The following ARMC2 variants were observed in gnomAD, a reference collection of about 807,000 sequenced individuals.
ARMC2 encodes the protein armadillo repeat containing 2.
ARMC2 carries 67 observed loss-of-function variants against 90.3 expected under a neutral mutation model. The observed-to-expected ratio is 0.74, with a 90% CI of 0.61 to 0.91. The LOEUF is 0.91. ARMC2 is among the 40% of genes least tolerant of loss of function. The probability of loss-of-function intolerance (pLI) is 0.00; values close to 1 mark genes in which losing one functional copy is unlikely to be tolerated. For missense variants in ARMC2, 920 were observed against 1,030.9 expected, an observed-to-expected ratio of 0.89 and a Z score of 1.47; for synonymous variants, 393 against 393.0, an observed-to-expected ratio of 1.00 and a Z score of 0.00.
At chr6:108,857,012 A>G (rs1289023716) in intron 2 of ARMC2, among the ~76,000 whole-genome samples, 2 of 151,788 alleles carry the variant, frequency 1.3e-5, no homozygotes, top group Non-Finnish European at 2.9e-5. Context: ...CAGCCCTTTT[A>G]ATTTGTTCTT....
At chr6:108,909,153 A>G (rs1413357911) in intron 8 of ARMC2, among the ~76,000 whole-genome samples, 3 of 152,226 alleles carry the variant, frequency 2.0e-5, no homozygotes, top group Non-Finnish European at 4.4e-5. Context: ...TCAAACAGAA[A>G]TAATTTTTTG....
the ARMC2 span, among the ~76,000 whole-genome samples, chr6:109,005,050 T>C: frequency 5.9e-5 from 9 of 152,352 alleles, no homozygotes; most frequent in East Asian, 1.5e-3. Context: ...CCATAGCCTT[T>C]GAATCAACAA....
intron 10 of ARMC2, among the ~76,000 whole-genome samples, chr6:108,919,461 C>T (rs1762190686): frequency 6.6e-6 from 1 of 152,040 alleles, no homozygotes; most frequent in Non-Finnish European, 1.5e-5. Context: ...AAACTGCATA[C>T]CTATAAAATG....
At chr6:108,881,742 A>G (rs2128444659) in intron 5 of ARMC2, among the ~76,000 whole-genome samples, 1 of 152,186 alleles carries the variant, frequency 6.6e-6, no homozygotes, top group South Asian at 2.1e-4. Flanking sequence ...GATACATTAG[A>G]ATTTAAGGAA....
At chr6:108,998,066 G>A in the ARMC2 span, among the ~76,000 whole-genome samples, 1 of 152,158 alleles carries the variant, frequency 6.6e-6, no homozygotes, top group African/African-American at 2.4e-5. Context: ...CTAGATCAAA[G>A]TTGATTAAAT....
At position 108,854,351 on chromosome 6, in the gene ARMC2, A is replaced by T. The variant is rs750724182; in HGVS notation, c.84A>T (p.Glu28Asp). The change falls in exon 2 of 18, where the codon GAA becomes GAT. Residue 28 changes from glutamate (E) to aspartate (D), a missense_variant. Coordinates refer to ENST00000392644, the MANE Select transcript of ARMC2 (RefSeq NM_032131.6). ...TGTCCAAGCAGAAGACCAGTGCAGA[A>T]ATCATAAGTGAAGCAAGAAATGCAT... ...PSVSKQKTSAEIISEARNALR... is the reference protein window; with the variant it reads ...PSVSKQKTSADIISEARNALR... 8.7e-6 allele frequency: 14 copies of T among 1,612,896 alleles called. No individual in the cohort carries two copies. In the South Asian group the frequency reaches 1.3e-4, roughly 15 times the overall value.
chr6:109,046,127 T>A, the ARMC2 span, among the ~76,000 whole-genome samples: 1 of 147,520 alleles, frequency 6.8e-6, no homozygotes, highest in Non-Finnish European at 1.5e-5. Flanking sequence ...CTCCCCACGG[T>A]CTCCCTCTCA....
chr6:108,854,175 A>C (rs1774289472), intron 1 of ARMC2, 50 bp from the exon 2 acceptor site: 6 of 1,009,328 alleles, frequency 5.9e-6, no homozygotes, highest in Non-Finnish European at 8.7e-6. Context: ...ATTCGTTTTT[A>C]TAAAGTCCTG....
chr6:108,971,906 G>A (rs779410476), intron 17 of ARMC2, among the ~76,000 whole-genome samples: 24 of 148,372 alleles, frequency 1.6e-4, no homozygotes, highest in Non-Finnish European at 2.5e-4. Flanking sequence ...GGGTGACACA[G>A]CGAGAGTCCA....
chr6:108,933,262 C>T (rs997254621), intron 11 of ARMC2, among the ~76,000 whole-genome samples: 2 of 151,926 alleles, frequency 1.3e-5, no homozygotes, highest in Non-Finnish European at 2.9e-5. Context: ...TTTTGTAATT[C>T]TCATTGTAGA....
the ARMC2 span, among the ~76,000 whole-genome samples, chr6:109,023,458 T>C: frequency 6.6e-4 from 101 of 152,356 alleles, no homozygotes; most frequent in African/African-American, 2.0e-3. Flanking sequence ...ACTATGTTTT[T>C]TTGATACTTT....
chr6:108,877,804 G>C (rs1012849334), intron 5 of ARMC2, among the ~76,000 whole-genome samples: 6 of 152,230 alleles, frequency 3.9e-5, no homozygotes, highest in African/African-American at 1.4e-4. Flanking sequence ...TCCTCATTCT[G>C]GGACAGCAGG....
intron 17 of ARMC2, among the ~76,000 whole-genome samples, chr6:108,969,899 G>T (rs548907269): frequency 6.1e-4 from 93 of 152,092 alleles, no homozygotes; most frequent in African/African-American, 2.2e-3. Context: ...AAATTAGCTG[G>T]GTGTGTGTGT....
chr6:108,881,190 C>G (rs1777519657), intron 5 of ARMC2, among the ~76,000 whole-genome samples: 1 of 149,268 alleles, frequency 6.7e-6, no homozygotes, highest in African/African-American at 2.5e-5. Flanking sequence ...TTCTTTCTTT[C>G]TTTCTTTGTT....
chr6:108,987,212 C>T, the ARMC2 span: 39 of 206,734 alleles, frequency 1.9e-4, no homozygotes, highest in Non-Finnish European at 3.4e-4. Context: ...TTGCATGCTC[C>T]AATTCTTGTT....
At chr6:108,905,435 G>A (rs994418414) in intron 8 of ARMC2, among the ~76,000 whole-genome samples, 4 of 151,858 alleles carry the variant, frequency 2.6e-5, no homozygotes, top group African/African-American at 7.3e-5. Flanking sequence ...TCACTCCAGG[G>A]CTCTGGCGGT....
At chr6:109,019,227 C>G in the ARMC2 span, among the ~76,000 whole-genome samples, 1 of 152,116 alleles carries the variant, frequency 6.6e-6, no homozygotes, top group Non-Finnish European at 1.5e-5. Context: ...ACACACACCC[C>G]TCATGATCTG....
intron 3 of ARMC2, among the ~76,000 whole-genome samples, chr6:108,863,525 CT>C (rs968251362): frequency 2.0e-5 from 3 of 152,230 alleles, no homozygotes; most frequent in African/African-American, 7.2e-5. Flanking sequence ...CTCCATTTTT[CT>C]TCTACTCTAG....
chr6:108,992,825 A>G, the ARMC2 span: 1 of 1,613,828 alleles, frequency 6.2e-7, no homozygotes, highest in Non-Finnish European at 8.5e-7. Flanking sequence ...CCATGTCTAG[A>G]GAAATCTTTA....
Sources: gnomAD v4.1 joint callset for allele counts (sites outside exome capture counted in the v4.1 genomes callset) on GRCh38, gnomAD v4.1.1 for gene constraint, MANE v1.5 for transcripts, NCBI Gene and HGNC (gene_info 2026-07-23, HGNC 2026-07-21) for gene names.